Variants in SLC25A12 observed in about 807,000 individuals in gnomAD.
SLC25A12 encodes the protein electrogenic aspartate/glutamate antiporter SLC25A12, mitochondrial.
SLC25A12 carries 32 observed loss-of-function variants against 83.3 expected under a neutral mutation model. The observed-to-expected ratio is 0.38, with a 90% CI of 0.29 to 0.52. The LOEUF is 0.52. Among genes scored for constraint, SLC25A12 ranks in the 20% least tolerant of loss-of-function variants. The pLI is 0.84. For missense variants in SLC25A12, 611 were observed against 835.6 expected, an observed-to-expected ratio of 0.73 and a Z score of 3.31; for synonymous variants, 267 against 291.1, an observed-to-expected ratio of 0.92 and a Z score of 0.84.
intron 2 of SLC25A12, among the ~76,000 whole-genome samples, chr2:171,890,749 C>G (rs1241027817): frequency 6.6e-6 from 1 of 152,122 alleles, no homozygotes; most frequent in East Asian, 1.9e-4. Flanking sequence ...TCCCAAAGTG[C>G]TGAGATTACA....
At chr2:171,846,457 T>C (rs1684799933) in intron 4 of SLC25A12, among the ~76,000 whole-genome samples, 1 of 152,074 alleles carries the variant, frequency 6.6e-6, no homozygotes, top group South Asian at 2.1e-4. Context: ...TATGAAACTA[T>C]GTAAAATAAA....
chr2:171,821,017 CTTTTTTT>C (rs869070730), intron 9 of SLC25A12, among the ~76,000 whole-genome samples: 15 of 48,628 alleles, frequency 3.1e-4, no homozygotes, highest in African/African-American at 1.1e-3. Flanking sequence ...TATAAACATT[CTTTTTTT>C]TTTTTTTTTT....
chr2:171,889,262 A>G (rs951958677), intron 2 of SLC25A12, among the ~76,000 whole-genome samples: 1 of 152,090 alleles, frequency 6.6e-6, no homozygotes, highest in African/African-American at 2.4e-5. Context: ...CCCCCCAAAA[A>G]ATATTATCTA....
At chr2:171,827,169 A>T (rs2105879043) in intron 8 of SLC25A12, among the ~76,000 whole-genome samples, 1 of 152,332 alleles carries the variant, frequency 6.6e-6, no homozygotes, top group East Asian at 1.9e-4. Context: ...ATAGAGATTG[A>T]CTGTCCCTAC....
chr2:171,793,686 C>A lies in SLC25A12; in HGVS notation c.1387G>T (p.Gly463Ter). 1 of 1,614,126 alleles carries A rather than the reference C, an allele frequency of 6.2e-7. No homozygotes were observed. The highest frequency in any genetic ancestry group is 8.5e-7 in the Non-Finnish European group (1 of 1,180,026). Residue 463 changes from glycine (G) to a stop codon, truncating the protein, a stop_gained, in exon 14 of 18, where the codon GGA (glycine) becomes TGA (stop). Transcript: ENST00000422440. LOFTEE classifies it high-confidence loss of function. ...RLQVAGEITT[G>*]PRVSALNVLR... ...ACATTCAGGGCGCTGACTCTGGGTC[C>A]CGTGGTGATCTCTCCAGCTACTTGC...
intron 13 of SLC25A12, among the ~76,000 whole-genome samples, chr2:171,808,502 A>C (rs1683881983): frequency 6.6e-6 from 1 of 152,244 alleles, no homozygotes; most frequent in Non-Finnish European, 1.5e-5. Context: ...CCTATACCTA[A>C]GATATAAGGG....
At chr2:171,871,238 TACC>T (rs1447856317) in intron 2 of SLC25A12, among the ~76,000 whole-genome samples, 1 of 151,738 alleles carries the variant, frequency 6.6e-6, no homozygotes, top group African/African-American at 2.4e-5. Context: ...CCACAGAGAC[TACC>T]ACCACAAGTG....
chr2:171,845,635 T>C (rs931709980), intron 4 of SLC25A12: 1 of 208,394 alleles, frequency 4.8e-6, no homozygotes, highest in African/African-American at 2.3e-5. Context: ...GTTTAATGGA[T>C]TCCCTTTAGT....
chr2:171,851,798 C>T (rs1043854115), intron 4 of SLC25A12, among the ~76,000 whole-genome samples: 2 of 152,124 alleles, frequency 1.3e-5, no homozygotes, highest in Non-Finnish European at 2.9e-5. Flanking sequence ...GCCTCCCAAA[C>T]TGCTGGGATT....
In SLC25A12 at chr2:171,863,362, C is replaced by T. The variant is rs534118441; in HGVS notation, c.209+5319G>A. ...GCCAAATGGTGAAACCTCATCTCTA[C>T]TAAAAACACAAAAATTAGCCAAGCA... On this transcript the variant is annotated intron_variant, in intron 3 of 17. Coordinates refer to ENST00000422440, the MANE Select transcript of SLC25A12 (RefSeq NM_003705.5). 2.0e-4 allele frequency among the ~76,000 whole-genome samples: 31 copies of T among 152,088 alleles called. No homozygotes were observed. The South Asian group carries it at 6.0e-3, about 30-fold the overall frequency.
intron 4 of SLC25A12, chr2:171,848,250 A>G (rs1684841647): frequency 4.2e-6 from 2 of 471,012 alleles, no homozygotes; most frequent in African/African-American, 2.0e-5. Flanking sequence ...GAGCTGCTGT[A>G]CCAACGGTGT....
At chr2:171,883,161 G>A (rs1403099404) in intron 2 of SLC25A12, among the ~76,000 whole-genome samples, 1 of 152,132 alleles carries the variant, frequency 6.6e-6, no homozygotes, top group Non-Finnish European at 1.5e-5. Flanking sequence ...AGAAGACAAG[G>A]GACTCAGATC....
Position 171,855,816 on chromosome 2 carries a change from ATCT to A in SLC25A12, c.325+15_325+17del, listed in dbSNP as rs774302228. On this transcript the variant is annotated intron_variant, in intron 4 of 17. Transcript: ENST00000422440. ...CAGCATCATTAACTTATCACTTATA[ATCT>A]TCTTTTTCCCTTACCAAATGTCACC... 1.4e-5 allele frequency: 19 copies of A among 1,376,574 alleles called. 1 individual carries two copies. The highest frequency in any genetic ancestry group is 1.3e-4 in the South Asian group (11 of 86,180). The allele number at this position is 1,376,574 out of a possible 1,614,324, so 85.3% of individuals were successfully genotyped here. A position where few individuals can be genotyped will look rare whatever the true frequency, so the allele number is the denominator to read the frequency against.
chr2:171,879,674 T>C (rs1029914347), intron 2 of SLC25A12, among the ~76,000 whole-genome samples: 2 of 152,192 alleles, frequency 1.3e-5, no homozygotes, highest in Admixed American at 6.5e-5. Context: ...TTAGTCTAAG[T>C]AACCATGGGA....
intron 11 of SLC25A12, 125 bp from the exon 12 acceptor site, chr2:171,810,401 GAA>G (rs1160285031): frequency 2.5e-6 from 2 of 802,906 alleles, no homozygotes; most frequent in Non-Finnish European, 4.4e-6. Context: ...ATTAAAATGG[GAA>G]AAAGATTATC....
chr2:171,890,260 AAAG>A (rs757431838), intron 2 of SLC25A12, among the ~76,000 whole-genome samples: 3 of 152,270 alleles, frequency 2.0e-5, no homozygotes, highest in Non-Finnish European at 2.9e-5. Flanking sequence ...GTTAAGTGCT[AAAG>A]AAATACACGG....
intron 4 of SLC25A12, among the ~76,000 whole-genome samples, chr2:171,851,144 T>A (rs1003279077): frequency 1.3e-5 from 2 of 152,104 alleles, no homozygotes; most frequent in African/African-American, 4.8e-5. Flanking sequence ...ATAACATGTT[T>A]CATACTCATT....
chr2:171,786,207 C>G (rs998094965), intron 17 of SLC25A12, among the ~76,000 whole-genome samples: 9 of 150,400 alleles, frequency 6.0e-5, no homozygotes, highest in African/African-American at 2.2e-4. Context: ...GACCCCGTCT[C>G]TACTAAAAAT....
chr2:171,833,885 G>A, intron 8 of SLC25A12, 78 bp downstream of exon 8: 3 of 846,714 alleles, frequency 3.5e-6, no homozygotes, highest in Non-Finnish European at 6.1e-6. Flanking sequence ...ATGTTAGAAT[G>A]AACTAAAAGG....
Sources: gnomAD v4.1 joint callset for allele counts (sites outside exome capture counted in the v4.1 genomes callset) on GRCh38, gnomAD v4.1.1 for gene constraint, MANE v1.5 for transcripts, NCBI Gene and HGNC (gene_info 2026-07-23, HGNC 2026-07-21) for gene names.